The following SORCS3 variants were observed in gnomAD, a reference collection of about 807,000 sequenced individuals.
The protein encoded by SORCS3 is sortilin related VPS10 domain containing receptor 3.
In SORCS3, 57 loss-of-function variants were observed where a neutral mutation model predicts 146.3. That is an observed-to-expected ratio of 0.39 (90% CI 0.31 to 0.49). SORCS3 has a LOEUF of 0.49. Ranked by LOEUF, SORCS3 falls within the 20% of genes least tolerant of loss-of-function variation. SORCS3 has a pLI of 0.92. For synonymous variants in SORCS3, 653 were observed against 618.5 expected, an observed-to-expected ratio of 1.06 and a Z score of -0.83; for missense variants, 1,341 against 1,575.5, an observed-to-expected ratio of 0.85 and a Z score of 2.52.
intron 2 of SORCS3, among the ~76,000 whole-genome samples, chr10:104,869,232 C>A (rs1423971938): frequency 6.6e-6 from 1 of 152,008 alleles, no homozygotes; most frequent in African/African-American, 2.4e-5. Context: ...ATTTTAGAGG[C>A]TGAAAAGTTT....
intron 4 of SORCS3, among the ~76,000 whole-genome samples, chr10:105,018,519 A>G (rs763102782): frequency 9.2e-5 from 14 of 152,248 alleles, no homozygotes; most frequent in Non-Finnish European, 1.9e-4. Flanking sequence ...AGAAGTTGGC[A>G]TAGGGCAGGA....
intron 1 of SORCS3, among the ~76,000 whole-genome samples, chr10:104,781,679 G>C (rs1239648836): frequency 6.6e-6 from 1 of 152,224 alleles, no homozygotes; most frequent in African/African-American, 2.4e-5. Context: ...TATATTTACT[G>C]TATCATTGTG....
intron 3 of SORCS3, among the ~76,000 whole-genome samples, chr10:104,940,374 T>G (rs527311819): frequency 3.5e-4 from 53 of 149,600 alleles, no homozygotes; most frequent in African/African-American, 1.3e-3. Flanking sequence ...GTATATCTCC[T>G]AATGCTATCT....
intron 7 of SORCS3, among the ~76,000 whole-genome samples, chr10:105,121,753 G>A (rs1452267): frequency 0.48 from 73,606 of 151,944 alleles, 18,371 homozygotes; most frequent in Non-Finnish European, 0.54. Flanking sequence ...TCATGCCTGA[G>A]CCTCTGAGAG....
chr10:104,968,480 T>A (rs549398746), intron 3 of SORCS3, among the ~76,000 whole-genome samples: 1 of 152,324 alleles, frequency 6.6e-6, no homozygotes, highest in South Asian at 2.1e-4. Flanking sequence ...GACATCTGCA[T>A]TGAGAGCCTA....
chr10:104,886,914 T>A (rs1367401468), intron 2 of SORCS3, among the ~76,000 whole-genome samples: 5 of 152,216 alleles, frequency 3.3e-5, no homozygotes, highest in African/African-American at 1.2e-4. Flanking sequence ...TTCCTGCCTG[T>A]GAGCTTAATT....
At chr10:104,886,495 G>GTA (rs944406753) in intron 2 of SORCS3, among the ~76,000 whole-genome samples, 91 of 151,872 alleles carry the variant, frequency 6.0e-4, no homozygotes, top group African/African-American at 2.0e-3. Context: ...TTATTTATAT[G>GTA]TATATATATA....
intron 9 of SORCS3, among the ~76,000 whole-genome samples, chr10:105,153,639 GTGTGTA>G (rs2056183648): frequency 1.6e-5 from 2 of 123,470 alleles, no homozygotes; most frequent in South Asian, 2.5e-4. Flanking sequence ...GAGAGAGTGT[GTGTGTA>G]TGTGTGTGTG....
At chr10:104,953,981 C>A (rs576821106) in intron 3 of SORCS3, among the ~76,000 whole-genome samples, 1 of 152,178 alleles carries the variant, frequency 6.6e-6, no homozygotes, top group East Asian at 1.9e-4. Context: ...GTGCTAATAG[C>A]TGTCTGTATT....
intron 5 of SORCS3, among the ~76,000 whole-genome samples, chr10:105,066,379 A>G (rs980363640): frequency 2.0e-5 from 3 of 152,146 alleles, no homozygotes; most frequent in Non-Finnish European, 2.9e-5. Flanking sequence ...GGGGTGAGAA[A>G]GATCTGGGTT....
chr10:104,977,260 A>G (rs2054904756), intron 3 of SORCS3, 75 bp from the exon 4 acceptor site: 6 of 1,262,626 alleles, frequency 4.8e-6, no homozygotes, highest in Non-Finnish European at 5.4e-6. Context: ...CAGATGACTT[A>G]TTTATGATTA....
At chr10:104,852,681 A>G (rs1907033) in intron 2 of SORCS3, among the ~76,000 whole-genome samples, 127,684 of 151,916 alleles carry the variant, frequency 0.84, 54,104 homozygotes, top group East Asian at 0.98. Flanking sequence ...ACAGCATACC[A>G]CCTTTCCCTC....
intron 5 of SORCS3, among the ~76,000 whole-genome samples, chr10:105,051,179 G>A (rs748351022): frequency 2.6e-5 from 4 of 152,090 alleles, no homozygotes; most frequent in Non-Finnish European, 5.9e-5. Flanking sequence ...CACACACAAG[G>A]CATGTATGTA....
At chr10:104,643,336 C>A (rs549238359) in intron 1 of SORCS3, among the ~76,000 whole-genome samples, 1 of 152,252 alleles carries the variant, frequency 6.6e-6, no homozygotes, top group South Asian at 2.1e-4. Context: ...AAGAGGAAAG[C>A]GAGGGGTCCG....
intron 14 of SORCS3, among the ~76,000 whole-genome samples, chr10:105,180,369 T>C (rs756436360): frequency 2.0e-4 from 31 of 152,336 alleles, no homozygotes; most frequent in Non-Finnish European, 3.4e-4. Context: ...TATTCACTAA[T>C]ATAAACTCAG....
intron 2 of SORCS3, among the ~76,000 whole-genome samples, chr10:104,868,319 T>C (rs1424595677): frequency 6.6e-6 from 1 of 152,204 alleles, no homozygotes; most frequent in African/African-American, 2.4e-5. Context: ...GTTCCAAAAC[T>C]ATGAGCAAAG....
chr10:104,903,416 C>A (rs758365459), intron 2 of SORCS3, among the ~76,000 whole-genome samples: 1 of 151,890 alleles, frequency 6.6e-6, no homozygotes, highest in Non-Finnish European at 1.5e-5. Context: ...GCAAATTGTG[C>A]TGTAGATATA....
intron 7 of SORCS3, among the ~76,000 whole-genome samples, chr10:105,106,546 T>A (rs963118154): frequency 6.6e-6 from 1 of 152,332 alleles, no homozygotes; most frequent in Middle Eastern, 3.4e-3. Context: ...ATACACACAG[T>A]TGACCCCTCT....
chr10:104,717,052 G>C (rs918947747), intron 1 of SORCS3, among the ~76,000 whole-genome samples: 2 of 152,214 alleles, frequency 1.3e-5, no homozygotes, highest in Admixed American at 1.3e-4. Flanking sequence ...CCTTTGGAAG[G>C]CCAAGGCAGA....
Sources: allele counts gnomAD v4.1 joint callset (sites outside exome capture counted in the v4.1 genomes callset), GRCh38; gene constraint gnomAD v4.1.1; transcripts MANE v1.5; gene names NCBI Gene and HGNC (gene_info 2026-07-23, HGNC 2026-07-21).